The following SLC10A7 variants were observed in gnomAD, a reference collection of about 807,000 sequenced individuals.
The protein encoded by SLC10A7 is solute carrier family 10 member 7, also known as sodium/bile acid cotransporter 7.
SLC10A7 carries 29 observed loss-of-function variants against 43.2 expected under a neutral mutation model. The observed-to-expected ratio is 0.67, with a 90% CI of 0.50 to 0.92. SLC10A7 has a LOEUF of 0.92. Ranked by LOEUF, SLC10A7 falls within the 40% of genes least tolerant of loss-of-function variation. The pLI, the probability that SLC10A7 is intolerant of heterozygous loss-of-function variation, is 0.00. For missense variants in SLC10A7, 295 were observed against 403.2 expected, an observed-to-expected ratio of 0.73 and a Z score of 2.30; for synonymous variants, 152 against 144.8, an observed-to-expected ratio of 1.05 and a Z score of -0.35.
At chr4:146,357,427 C>T (rs992629897) in intron 5 of SLC10A7, among the ~76,000 whole-genome samples, 10 of 152,114 alleles carry the variant, frequency 6.6e-5, no homozygotes, top group African/African-American at 2.2e-4. Context: ...AAAAACCCTG[C>T]AGCACTTAAT....
At chr4:146,366,787 T>C (rs1736422079) in intron 5 of SLC10A7, among the ~76,000 whole-genome samples, 1 of 152,198 alleles carries the variant, frequency 6.6e-6, no homozygotes, top group Non-Finnish European at 1.5e-5. Context: ...AGTATTTATT[T>C]TCCCTTCATT....
At chr4:146,310,377 C>T (rs1056454677) in intron 6 of SLC10A7, among the ~76,000 whole-genome samples, 1 of 152,080 alleles carries the variant, frequency 6.6e-6, no homozygotes, top group Admixed American at 6.6e-5. Context: ...GTTCTAAGTT[C>T]TTTGAGAAAT....
intron 5 of SLC10A7, among the ~76,000 whole-genome samples, chr4:146,419,325 A>G (rs75628891): frequency 3.1e-4 from 47 of 152,302 alleles, no homozygotes; most frequent in African/African-American, 8.4e-4. Flanking sequence ...ATTAGCACAC[A>G]AAAGTCACTC....
chr4:146,344,654 A>G (rs1734492931), intron 5 of SLC10A7, among the ~76,000 whole-genome samples: 1 of 151,978 alleles, frequency 6.6e-6, no homozygotes, highest in Non-Finnish European at 1.5e-5. Flanking sequence ...ATTCTCTTGC[A>G]GTTATATAGT....
intron 7 of SLC10A7, among the ~76,000 whole-genome samples, chr4:146,304,839 T>C (rs1379914674): frequency 5.3e-5 from 8 of 152,134 alleles, no homozygotes; most frequent in African/African-American, 1.9e-4. Flanking sequence ...TGTCTAATGT[T>C]GACAGTGGGG....
chr4:146,396,826 C>T (rs368037111), intron 5 of SLC10A7, among the ~76,000 whole-genome samples: 19 of 149,448 alleles, frequency 1.3e-4, no homozygotes, highest in African/African-American at 3.9e-4. Flanking sequence ...CATTGAGGGA[C>T]CAGCCCCTTT....
At chr4:146,369,418 T>C (rs769550032) in intron 5 of SLC10A7, among the ~76,000 whole-genome samples, 5 of 152,212 alleles carry the variant, frequency 3.3e-5, no homozygotes, top group Non-Finnish European at 7.3e-5. Context: ...TGGACAAATA[T>C]ATGTAAACAT....
At chr4:146,436,192 T>G (rs1730198077) in intron 5 of SLC10A7, among the ~76,000 whole-genome samples, 1 of 152,170 alleles carries the variant, frequency 6.6e-6, no homozygotes, top group South Asian at 2.1e-4. Flanking sequence ...ATGCATTTAC[T>G]TGCTACACAA....
At chr4:146,286,632 C>A (rs77282259) in intron 9 of SLC10A7, among the ~76,000 whole-genome samples, 1 of 111,492 alleles carries the variant, frequency 9.0e-6, no homozygotes, top group Admixed American at 9.1e-5. Context: ...AGGACCGTGT[C>A]TGGAGTGGTG....
At chr4:146,395,571 A>G (rs1335819748) in intron 5 of SLC10A7, among the ~76,000 whole-genome samples, 1 of 152,202 alleles carries the variant, frequency 6.6e-6, no homozygotes, top group Non-Finnish European at 1.5e-5. Context: ...AGATAGAACA[A>G]TTTACTGCAC....
At chr4:146,279,266 T>G (rs1007455172) in intron 10 of SLC10A7, among the ~76,000 whole-genome samples, 9 of 152,194 alleles carry the variant, frequency 5.9e-5, no homozygotes, top group Non-Finnish European at 1.2e-4. Flanking sequence ...CCTGAAACAT[T>G]TGCTTGCTAA....
chr4:146,298,885 C>A (rs1211569198), intron 7 of SLC10A7, among the ~76,000 whole-genome samples: 3 of 152,160 alleles, frequency 2.0e-5, no homozygotes, highest in African/African-American at 7.2e-5. Flanking sequence ...GGCCTAGGAG[C>A]TGTGTGTGCA....
chr4:146,459,300 T>C (rs1349452296), intron 4 of SLC10A7, among the ~76,000 whole-genome samples: 1 of 151,724 alleles, frequency 6.6e-6, no homozygotes, highest in East Asian at 1.9e-4. Flanking sequence ...TCAGTCAAAA[T>C]CCCTACAGGA....
intron 5 of SLC10A7, among the ~76,000 whole-genome samples, chr4:146,405,229 A>G (rs1339657393): frequency 6.6e-6 from 1 of 152,150 alleles, no homozygotes; most frequent in Non-Finnish European, 1.5e-5. Context: ...CAGATCTACC[A>G]TCTTGGTCCA....
At chr4:146,326,640 G>C (rs547526855) in intron 5 of SLC10A7, among the ~76,000 whole-genome samples, 1 of 152,328 alleles carries the variant, frequency 6.6e-6, no homozygotes, top group Admixed American at 6.5e-5. Flanking sequence ...GGAACAGTTT[G>C]AGGCTGTTGC....
chr4:146,346,267 C>A (rs72950684), intron 5 of SLC10A7, among the ~76,000 whole-genome samples: 1,563 of 152,146 alleles, frequency 0.01, 24 homozygotes, highest in African/African-American at 0.035. Flanking sequence ...ACAACAACAA[C>A]AAAAAACAAC....
At chr4:146,465,125 A>C (rs72729894) in intron 4 of SLC10A7, among the ~76,000 whole-genome samples, 8,278 of 152,214 alleles carry the variant, frequency 0.054, 269 homozygotes, top group Middle Eastern at 0.088. Flanking sequence ...AAAGTATCAG[A>C]CAGCCACTGT....
At chr4:146,344,089 T>C (rs968091117) in intron 5 of SLC10A7, among the ~76,000 whole-genome samples, 2 of 152,042 alleles carry the variant, frequency 1.3e-5, no homozygotes, top group Admixed American at 6.6e-5. Context: ...CAATCTCCCA[T>C]TACTTTAGCT....
chr4:146,404,040 T>G (rs1260737979), intron 5 of SLC10A7, among the ~76,000 whole-genome samples: 1 of 152,162 alleles, frequency 6.6e-6, no homozygotes, highest in Non-Finnish European at 1.5e-5. Context: ...CTTTTGTTTT[T>G]GTTTTTGTTT....
Sources: allele counts gnomAD v4.1 joint callset (sites outside exome capture counted in the v4.1 genomes callset), GRCh38; gene constraint gnomAD v4.1.1; transcripts MANE v1.5; gene names NCBI Gene and HGNC (gene_info 2026-07-23, HGNC 2026-07-21).